PDE4D: variants seen among roughly 807,000 people sequenced by gnomAD.
PDE4D encodes 3',5'-cyclic-AMP phosphodiesterase 4D.
In PDE4D, 24 loss-of-function variants were observed where a neutral mutation model predicts 87.4. The observed-to-expected ratio is 0.27, with a 90% CI of 0.20 to 0.39. PDE4D has a LOEUF of 0.39. Ranked by LOEUF, PDE4D falls within the 10% of genes least tolerant of loss-of-function variation. The probability of loss-of-function intolerance (pLI) is 1.00; values close to 1 mark genes in which losing one functional copy is unlikely to be tolerated. For synonymous variants in PDE4D, 384 were observed against 383.2 expected (o/e 1.00, Z -0.02); for missense variants, 714 against 1,041.0 (o/e 0.69, Z 4.32).
chr5:59,392,788 A>G lies in PDE4D; in HGVS notation c.456-176820T>C, dbSNP rs1243786565. Among the ~76,000 whole-genome samples the G allele has an allele frequency of 2.6e-5, 4 of 152,116 alleles. No individual in the cohort carries two copies. In the East Asian group the frequency reaches 5.8e-4, roughly 22 times the overall value. On this transcript the variant is annotated intron_variant, in intron 1 of 14. Coordinates refer to ENST00000340635, the MANE Select transcript of PDE4D (RefSeq NM_001104631.2). Reference sequence around the variant, plus strand: ...GGCTCCTGCAGATATGTGAGTTGTGACCTGCTGGAAGAGTCCTGAAAGGGA... The same window carrying G: ...GGCTCCTGCAGATATGTGAGTTGTGGCCTGCTGGAAGAGTCCTGAAAGGGA...
At chr5:59,466,410 T>G (rs1801590131) in intron 1 of PDE4D, among the ~76,000 whole-genome samples, 1 of 152,282 alleles carries the variant, frequency 6.6e-6, no homozygotes, top group African/African-American at 2.4e-5. Context: ...AAGCCCAAAT[T>G]GTTTTCTGTG....
At chr5:59,858,651 C>CT (rs1346258360) in intron 1 of PDE4D, among the ~76,000 whole-genome samples, 1 of 152,112 alleles carries the variant, frequency 6.6e-6, no homozygotes, top group African/African-American at 2.4e-5. Context: ...ACTCACATAA[C>CT]TATCCATAAG....
chr5:60,095,255 G>A (rs1006805443), intron 2 of PDE4D, among the ~76,000 whole-genome samples: 3 of 152,100 alleles, frequency 2.0e-5, no homozygotes, highest in African/African-American at 7.2e-5. Flanking sequence ...CCATGTCCCT[G>A]TGTTCTCTTT....
chr5:59,290,964 C>T (rs935578719), intron 1 of PDE4D, among the ~76,000 whole-genome samples: 5 of 151,768 alleles, frequency 3.3e-5, no homozygotes, highest in African/African-American at 1.2e-4. Flanking sequence ...AAAAGGGAAC[C>T]CTGGTACACT....
chr5:59,284,595 C>T (rs976016263), intron 1 of PDE4D, among the ~76,000 whole-genome samples: 8 of 144,314 alleles, frequency 5.5e-5, no homozygotes, highest in African/African-American at 1.3e-4. Flanking sequence ...GAAATAGGAA[C>T]ACTTTTACAC....
At chr5:59,428,958 T>C (rs916979583) in intron 1 of PDE4D, among the ~76,000 whole-genome samples, 3 of 152,224 alleles carry the variant, frequency 2.0e-5, no homozygotes, top group Non-Finnish European at 2.9e-5. Context: ...TAAAATGCCT[T>C]TCAAATATAT....
chr5:59,095,751 C>T (rs1224699157), intron 5 of PDE4D, among the ~76,000 whole-genome samples: 1 of 152,084 alleles, frequency 6.6e-6, no homozygotes, highest in East Asian at 1.9e-4. Context: ...ATTCTCAAGA[C>T]CATTTTGATA....
In PDE4D at chr5:59,070,483, T is replaced by G. The variant is rs190385672; in HGVS notation, c.809-31512A>C. On this transcript the variant is annotated intron_variant, in intron 5 of 14. Transcript: ENST00000340635. The stretch of plus-strand genomic sequence containing the variant: ...GTTACTTCTTAATAGTTCATTTTTT[T>G]GGGCATTGCTTATTGATACTTCATA... Among the ~76,000 whole-genome samples, 57 of 152,322 alleles carry G rather than the reference T, an allele frequency of 3.7e-4. No homozygotes were observed. The East Asian group carries it at 5.6e-3, about 15-fold the overall frequency.
At chr5:59,984,705 C>T (rs1371600376) in intron 3 of PDE4D, among the ~76,000 whole-genome samples, 1 of 152,140 alleles carries the variant, frequency 6.6e-6, no homozygotes, top group Non-Finnish European at 1.5e-5. Flanking sequence ...TATTTCTGCA[C>T]ATCAAAGTTC....
intron 3 of PDE4D, among the ~76,000 whole-genome samples, chr5:59,911,177 A>C (rs1415907300): frequency 6.6e-6 from 1 of 152,242 alleles, no homozygotes; most frequent in Non-Finnish European, 1.5e-5. Flanking sequence ...CAAATTTGCC[A>C]CAAGATTAGA....
At chr5:59,500,004 A>G (rs868482899) in intron 1 of PDE4D, among the ~76,000 whole-genome samples, 30 of 152,282 alleles carry the variant, frequency 2.0e-4, no homozygotes, top group African/African-American at 7.2e-4. Context: ...TGATGAACAG[A>G]TGCAAAAGTC....
intron 1 of PDE4D, among the ~76,000 whole-genome samples, chr5:59,396,188 T>C (rs1367011018): frequency 8.5e-6 from 1 of 117,568 alleles, no homozygotes; most frequent in Non-Finnish European, 1.8e-5. Context: ...ATTTCCCCAA[T>C]CTAGCAAGGC....
intron 1 of PDE4D, among the ~76,000 whole-genome samples, chr5:60,386,562 A>AG (rs1269442725): frequency 6.6e-6 from 1 of 152,142 alleles, no homozygotes; most frequent in Admixed American, 6.5e-5. Flanking sequence ...GTTCCTCTGC[A>AG]GGGGGGTTCT....
intron 5 of PDE4D, among the ~76,000 whole-genome samples, chr5:59,078,509 CTTTT>C (rs542270740): frequency 1.5e-5 from 2 of 135,812 alleles, no homozygotes; most frequent in Non-Finnish European, 1.6e-5. Context: ...AGGTAGGACT[CTTTT>C]TTTTTTTTTT....
chr5:60,089,472 T>C (rs1774876201), intron 2 of PDE4D, among the ~76,000 whole-genome samples: 1 of 151,578 alleles, frequency 6.6e-6, no homozygotes, highest in Non-Finnish European at 1.5e-5. Flanking sequence ...AAAAAGGAAA[T>C]TTAAAAAATT....
intron 1 of PDE4D, among the ~76,000 whole-genome samples, chr5:60,418,763 T>G (rs1157211106): frequency 6.6e-6 from 1 of 152,116 alleles, no homozygotes; most frequent in Non-Finnish European, 1.5e-5. Flanking sequence ...TTATTTTTAA[T>G]TGTAGAAATA....
At chr5:59,968,773 A>G (rs896107166) in intron 3 of PDE4D, among the ~76,000 whole-genome samples, 8 of 152,134 alleles carry the variant, frequency 5.3e-5, no homozygotes, top group African/African-American at 1.9e-4. Context: ...TAACTTCTCC[A>G]GGCTTCTGTT....
intron 3 of PDE4D, among the ~76,000 whole-genome samples, chr5:59,958,719 A>C (rs1230253415): frequency 2.6e-5 from 4 of 152,096 alleles, no homozygotes; most frequent in Non-Finnish European, 5.9e-5. Context: ...ATCTATGAAA[A>C]ACCCCAAGCC....
At chr5:59,728,961 T>C (rs1259121402) in intron 1 of PDE4D, among the ~76,000 whole-genome samples, 1 of 152,130 alleles carries the variant, frequency 6.6e-6, no homozygotes, top group Non-Finnish European at 1.5e-5. Flanking sequence ...TCCCAGATGT[T>C]ATTAATGTGA....
Sources: allele counts gnomAD v4.1 joint callset (sites outside exome capture counted in the v4.1 genomes callset), GRCh38; gene constraint gnomAD v4.1.1; transcripts MANE v1.5; gene names NCBI Gene and HGNC (gene_info 2026-07-23, HGNC 2026-07-21).